NPAS3: variants seen among roughly 807,000 people sequenced by gnomAD.
NPAS3 encodes the protein neuronal PAS domain-containing protein 3.
NPAS3 carries 14 observed loss-of-function variants against 73.1 expected under a neutral mutation model. The observed-to-expected ratio is 0.19, with a 90% CI of 0.13 to 0.30. The LOEUF is 0.30. Among genes scored for constraint, NPAS3 ranks in the 10% least tolerant of loss-of-function variants. The pLI, the probability that NPAS3 is intolerant of heterozygous loss-of-function variation, is 1.00. For synonymous variants in NPAS3, 620 were observed against 541.5 expected, an observed-to-expected ratio of 1.14 and a Z score of -2.01; for missense variants, 1,096 against 1,250.0, an observed-to-expected ratio of 0.88 and a Z score of 1.86.
chr14:33,164,274 A>G (rs1457912717), intron 2 of NPAS3, among the ~76,000 whole-genome samples: 1 of 152,212 alleles, frequency 6.6e-6, no homozygotes, highest in Non-Finnish European at 1.5e-5. Context: ...ACATTATTTT[A>G]TATTTACAAA....
At chr14:33,180,802 G>GA (rs869085160) in intron 2 of NPAS3, among the ~76,000 whole-genome samples, 20 of 74,718 alleles carry the variant, frequency 2.7e-4, no homozygotes, top group East Asian at 3.2e-3. Context: ...CTGTCTCCAA[G>GA]AAAAAAAAAA....
At chr14:33,517,840 C>G (rs1303455188) in intron 4 of NPAS3, among the ~76,000 whole-genome samples, 2 of 152,090 alleles carry the variant, frequency 1.3e-5, no homozygotes, top group African/African-American at 4.8e-5. Context: ...TTGACCTTTT[C>G]ATTTCTAGCA....
At chr14:33,536,432 A>T (rs1728549792) in intron 4 of NPAS3, among the ~76,000 whole-genome samples, 1 of 152,174 alleles carries the variant, frequency 6.6e-6, no homozygotes, top group South Asian at 2.1e-4. Flanking sequence ...AGAGTGCTAG[A>T]TTGTATTTTT....
chr14:33,709,418 A>T (rs949960649), intron 6 of NPAS3, among the ~76,000 whole-genome samples: 1 of 152,166 alleles, frequency 6.6e-6, no homozygotes, highest in Non-Finnish European at 1.5e-5. Context: ...TCCCGCCCCC[A>T]TTCTCCCATC....
intron 6 of NPAS3, among the ~76,000 whole-genome samples, chr14:33,697,305 G>A (rs1252044567): frequency 6.6e-6 from 1 of 152,166 alleles, no homozygotes; most frequent in Non-Finnish European, 1.5e-5. Flanking sequence ...CAGGCAGCTT[G>A]GACTCACACA....
At chr14:33,100,569 A>G (rs4982049) in intron 2 of NPAS3, among the ~76,000 whole-genome samples, 13 of 152,152 alleles carry the variant, frequency 8.5e-5, no homozygotes, top group Admixed American at 2.0e-4. Flanking sequence ...CTCTTTCAGT[A>G]TCAATTGAGA....
chr14:32,954,942 A>G (rs1278326138), intron 1 of NPAS3, among the ~76,000 whole-genome samples: 1 of 152,114 alleles, frequency 6.6e-6, no homozygotes, highest in East Asian at 1.9e-4. Context: ...CTGTAGTTCT[A>G]TTTCCTGCAT....
chr14:33,134,792 T>C (rs146189273), intron 2 of NPAS3, among the ~76,000 whole-genome samples: 30 of 152,300 alleles, frequency 2.0e-4, no homozygotes, highest in African/African-American at 7.2e-4. Flanking sequence ...TTACTGCATT[T>C]ACCTGTTAGA....
rs1333089841 is a variant in NPAS3 at position 33,498,933 on chromosome 14, AGAGTGTGTGTGTGT to A, written c.469-61186_469-61173del. ...ATGAATGAGAGAGAGAGACAGAGAGAGAGTGTGTGTGTGTGTGTGTGTGTGTGTGTGTGTGTGTG... is the reference window on the plus strand; with the variant it reads ...ATGAATGAGAGAGAGAGACAGAGAGAGTGTGTGTGTGTGTGTGTGTGTGTG... On this transcript the variant is annotated intron_variant, in intron 4 of 11. Coordinates refer to ENST00000356141, the Ensembl canonical transcript of NPAS3. Among the ~76,000 whole-genome samples, 102 of 76,996 alleles carry A rather than the reference AGAGTGTGTGTGTGT, an allele frequency of 1.3e-3. 1 individual carries two copies. Among genetic ancestry groups the A allele is most frequent in the African/African-American group, 5.2e-3 (94 of 18,204 alleles). 50.5% of individuals were successfully genotyped at this position (76,996 alleles called of 152,430 possible).
At chr14:33,557,342 A>T (rs1330462213) in intron 4 of NPAS3, among the ~76,000 whole-genome samples, 1 of 152,184 alleles carries the variant, frequency 6.6e-6, no homozygotes, top group African/African-American at 2.4e-5. Context: ...CCTCCTGTGG[A>T]AGTAACTTAA....
chr14:32,985,953 C>T (rs1237926801), intron 1 of NPAS3, among the ~76,000 whole-genome samples: 1 of 152,108 alleles, frequency 6.6e-6, no homozygotes, highest in Non-Finnish European at 1.5e-5. Context: ...GACATGGCTT[C>T]CCCGTGTCAT....
intron 6 of NPAS3, among the ~76,000 whole-genome samples, chr14:33,705,197 A>G (rs761362393): frequency 2.0e-4 from 31 of 152,262 alleles, no homozygotes; most frequent in Non-Finnish European, 3.5e-4. Flanking sequence ...TCTGTTTTAG[A>G]ACCTTTCTTT....
At chr14:33,564,183 A>T (rs1050970374) in intron 5 of NPAS3, among the ~76,000 whole-genome samples, 1 of 152,176 alleles carries the variant, frequency 6.6e-6, no homozygotes, top group African/African-American at 2.4e-5. Context: ...TCATAAAAAG[A>T]CCATTTATTA....
chr14:33,363,421 G>A (rs2045695231), intron 3 of NPAS3, among the ~76,000 whole-genome samples: 1 of 152,166 alleles, frequency 6.6e-6, no homozygotes, highest in Non-Finnish European at 1.5e-5. Flanking sequence ...CCTTTTTAAT[G>A]AGAGAAAGGC....
At chr14:33,765,541 C>G (rs969842164) in intron 7 of NPAS3, among the ~76,000 whole-genome samples, 1 of 152,070 alleles carries the variant, frequency 6.6e-6, no homozygotes, top group South Asian at 2.1e-4. Context: ...GATAAAGGAG[C>G]GTGCACAGGA....
intron 1 of NPAS3, among the ~76,000 whole-genome samples, chr14:33,019,332 T>A (rs1394764677): frequency 6.6e-6 from 1 of 152,232 alleles, no homozygotes; most frequent in Non-Finnish European, 1.5e-5. Flanking sequence ...TAATTTTCCA[T>A]TGAATAAATA....
At chr14:33,362,298 G>C (rs2045639830) in intron 3 of NPAS3, among the ~76,000 whole-genome samples, 1 of 152,116 alleles carries the variant, frequency 6.6e-6, no homozygotes, top group Non-Finnish European at 1.5e-5. Flanking sequence ...GCCAGTTTCA[G>C]AATAAAGACA....
intron 4 of NPAS3, among the ~76,000 whole-genome samples, chr14:33,405,161 C>T (rs2047610703): frequency 6.6e-6 from 1 of 152,036 alleles, no homozygotes; most frequent in Admixed American, 6.6e-5. Flanking sequence ...CTGCATGTTG[C>T]TGCAGCTCTC....
At chr14:33,612,382 G>A (rs1007170384) in intron 5 of NPAS3, 2 of 455,738 alleles carry the variant, frequency 4.4e-6, no homozygotes, top group Admixed American at 2.4e-5. Flanking sequence ...CCTGAAACCT[G>A]TTGTCTTTTC....
Sources: allele counts gnomAD v4.1 joint callset (sites outside exome capture counted in the v4.1 genomes callset), GRCh38; gene constraint gnomAD v4.1.1; transcripts MANE v1.5; gene names NCBI Gene and HGNC (gene_info 2026-07-23, HGNC 2026-07-21).